Variants in LRBA observed in about 807,000 individuals in gnomAD.
LRBA encodes lipopolysaccharide-responsive and beige-like anchor protein.
In LRBA, 176 loss-of-function variants were observed where a neutral mutation model predicts 330.0. The ratio of observed to expected loss-of-function variants is 0.53; its 90% CI spans 0.47 to 0.60. The LOEUF (loss-of-function observed/expected upper bound fraction) is 0.60. LRBA is among the 20% of genes least tolerant of loss of function. The probability of loss-of-function intolerance (pLI) is 0.00; values close to 1 mark genes in which losing one functional copy is unlikely to be tolerated. For missense variants in LRBA, 3,259 were observed against 3,444.8 expected (o/e 0.95, Z 1.35); for synonymous variants, 1,230 against 1,193.0 (o/e 1.03, Z -0.64).
At chr4:150,442,597 T>A in intron 44 of LRBA, among the ~76,000 whole-genome samples, 1 of 152,108 alleles carries the variant, frequency 6.6e-6, no homozygotes. Flanking sequence ...CTGAAGAAGG[T>A]GCATGCAATT....
chr4:150,804,073 T>C (rs905501747), intron 33 of LRBA, among the ~76,000 whole-genome samples: 3 of 152,078 alleles, frequency 2.0e-5, no homozygotes, highest in Non-Finnish European at 2.9e-5. Context: ...AAAAAAAAGT[T>C]TCATATATGA....
intron 34 of LRBA, among the ~76,000 whole-genome samples, chr4:150,785,714 G>GA (rs926058820): frequency 6.6e-6 from 1 of 151,278 alleles, no homozygotes; most frequent in Non-Finnish European, 1.5e-5. Flanking sequence ...TACTTGACCA[G>GA]AAAAAAAAGG....
At chr4:150,437,507 CTA>C (rs970503405) in intron 44 of LRBA, among the ~76,000 whole-genome samples, 2 of 137,508 alleles carry the variant, frequency 1.5e-5, no homozygotes, top group East Asian at 4.2e-4. Context: ...CTCTCTCTCT[CTA>C]TATATATATA....
At chr4:150,857,855 AATC>A (rs1418781911) in intron 22 of LRBA, among the ~76,000 whole-genome samples, 1 of 152,210 alleles carries the variant, frequency 6.6e-6, no homozygotes, top group Non-Finnish European at 1.5e-5. Flanking sequence ...ATCAAAGCTG[AATC>A]TTATGCTCTT....
intron 38 of LRBA, among the ~76,000 whole-genome samples, chr4:150,592,158 T>TG (rs1474154197): frequency 2.1e-5 from 3 of 143,604 alleles, no homozygotes; most frequent in Non-Finnish European, 4.6e-5. Flanking sequence ...TTTTTTTTTT[T>TG]TTTTTTTTTT....
intron 36 of LRBA, among the ~76,000 whole-genome samples, chr4:150,728,798 A>T (rs1730053603): frequency 6.6e-6 from 1 of 152,178 alleles, no homozygotes; most frequent in Non-Finnish European, 1.5e-5. Context: ...ACATGACAAG[A>T]ACATGTACTT....
At chr4:151,011,170 G>C (rs1433081393) in intron 2 of LRBA, among the ~76,000 whole-genome samples, 3 of 151,144 alleles carry the variant, frequency 2.0e-5, no homozygotes, top group Non-Finnish European at 4.4e-5. Flanking sequence ...CTAGGCAACA[G>C]AGCAAGACTC....
chr4:150,446,112 A>G (rs1310842207), intron 44 of LRBA, among the ~76,000 whole-genome samples: 1 of 152,186 alleles, frequency 6.6e-6, no homozygotes, highest in African/African-American at 2.4e-5. Flanking sequence ...GCTAAAAAAA[A>G]AAGTGGATCT....
At chr4:150,756,743 G>T (rs1404020062) in intron 35 of LRBA, among the ~76,000 whole-genome samples, 1 of 152,078 alleles carries the variant, frequency 6.6e-6, no homozygotes, top group Non-Finnish European at 1.5e-5. Context: ...ATTCAACAGG[G>T]TCAAAGGGAG....
intron 2 of LRBA, among the ~76,000 whole-genome samples, chr4:150,932,644 G>T (rs1323208443): frequency 6.6e-6 from 1 of 152,110 alleles, no homozygotes; most frequent in African/African-American, 2.4e-5. Flanking sequence ...GGCTGGGTAC[G>T]TTGGCGCACA....
chr4:150,427,509 A>T (rs1561162459), intron 46 of LRBA, among the ~76,000 whole-genome samples: 1 of 152,028 alleles, frequency 6.6e-6, no homozygotes, highest in Non-Finnish European at 1.5e-5. Context: ...TATAAAAAGC[A>T]AGGATAAACA....
At chr4:150,300,995 C>T (rs1960919) in intron 53 of LRBA, among the ~76,000 whole-genome samples, 131,999 of 151,964 alleles carry the variant, frequency 0.87, 58,021 homozygotes, top group Non-Finnish European at 0.93. Flanking sequence ...GCATGAAATA[C>T]CTTACATTTT....
chr4:150,950,405 C>T (rs1040599148), intron 2 of LRBA, among the ~76,000 whole-genome samples: 1 of 151,838 alleles, frequency 6.6e-6, no homozygotes. Flanking sequence ...ACTTCAGTAC[C>T]CCAAATATTT....
chr4:150,725,123 A>AG (rs1339401633), intron 36 of LRBA, among the ~76,000 whole-genome samples: 6 of 151,956 alleles, frequency 3.9e-5, no homozygotes, highest in Non-Finnish European at 7.4e-5. Context: ...ACAGCTTCAA[A>AG]GGGGCAAATC....
chr4:150,787,538 T>A (rs1173064948), intron 34 of LRBA, among the ~76,000 whole-genome samples: 4 of 152,204 alleles, frequency 2.6e-5, no homozygotes, highest in African/African-American at 9.6e-5. Context: ...TTAATCTTTC[T>A]GGGTACATAG....
intron 47 of LRBA, among the ~76,000 whole-genome samples, chr4:150,372,114 T>C (rs926520521): frequency 6.6e-6 from 1 of 152,168 alleles, no homozygotes; most frequent in African/African-American, 2.4e-5. Context: ...TGTCAGATGC[T>C]CGTTATGCTA....
At chr4:150,996,687 C>A (rs1742680922) in intron 2 of LRBA, among the ~76,000 whole-genome samples, 1 of 152,142 alleles carries the variant, frequency 6.6e-6, no homozygotes, top group Admixed American at 6.5e-5. Flanking sequence ...ATTATCATAA[C>A]CTAATACAAT....
chr4:150,985,576 G>C (rs1293494663), intron 2 of LRBA, among the ~76,000 whole-genome samples: 1 of 151,126 alleles, frequency 6.6e-6, no homozygotes, highest in Non-Finnish European at 1.5e-5. Context: ...TCGGCTCACT[G>C]CAAGTTCCGC....
intron 19 of LRBA, 132 bp downstream of exon 19, chr4:150,871,213 A>C: frequency 2.0e-6 from 1 of 510,918 alleles, no homozygotes; most frequent in Non-Finnish European, 3.6e-6. Flanking sequence ...ACTGCACTCC[A>C]GCCTGGGTGA....
Sources: allele counts gnomAD v4.1 joint callset (sites outside exome capture counted in the v4.1 genomes callset), GRCh38; gene constraint gnomAD v4.1.1; transcripts MANE v1.5; gene names NCBI Gene and HGNC (gene_info 2026-07-23, HGNC 2026-07-21).